ST18: variants seen among roughly 807,000 people sequenced by gnomAD.
ST18 encodes the protein ST18 C2H2C-type zinc finger transcription factor, also known as suppression of tumorigenicity 18 protein.
In ST18, 50 loss-of-function variants were observed where a neutral mutation model predicts 110.0. That is an observed-to-expected ratio of 0.45 (90% CI 0.36 to 0.58). The LOEUF (loss-of-function observed/expected upper bound fraction) is 0.58, where lower values mean the gene tolerates loss of function less well. ST18 is among the 20% of genes least tolerant of loss of function. The pLI is 0.00. For synonymous variants in ST18, 461 were observed against 452.4 expected (o/e 1.02, Z -0.24); for missense variants, 1,306 against 1,280.1 (o/e 1.02, Z -0.31).
chr8:52,336,639 T>C (rs571655381), intron 2 of ST18, among the ~76,000 whole-genome samples: 166 of 152,308 alleles, frequency 1.1e-3, no homozygotes, highest in Non-Finnish European at 2.1e-3. Flanking sequence ...ATAGGTTTCC[T>C]CTATTCCCAA....
At chr8:52,371,094 G>T (rs979589461) in intron 2 of ST18, among the ~76,000 whole-genome samples, 7 of 152,022 alleles carry the variant, frequency 4.6e-5, no homozygotes, top group Non-Finnish European at 8.8e-5. Context: ...GGTTTTACTG[G>T]TATCCTATTG....
intron 2 of ST18, among the ~76,000 whole-genome samples, chr8:52,237,931 T>A (rs62499769): frequency 0.21 from 32,084 of 151,956 alleles, 3,642 homozygotes; most frequent in African/African-American, 0.29. Flanking sequence ...TACAAAGAAG[T>A]TATACAAATG....
At chr8:52,149,615 GTACAGAA>G in intron 16 of ST18, 110 bp downstream of exon 16, 1 of 1,368,802 alleles carries the variant, frequency 7.3e-7, no homozygotes, top group Non-Finnish European at 9.7e-7. Context: ...CTAAAGCAAG[GTACAGAA>G]TTATGTATTA....
chr8:52,113,024 A>T lies in ST18; in HGVS notation c.*174T>A. 1.8e-6 allele frequency: 1 copy of T among 569,076 alleles called. No individual in the cohort carries two copies. The allele number at this position is 569,076 out of a possible 1,614,324, so 35.3% of individuals were successfully genotyped here. A position where few individuals can be genotyped will look rare whatever the true frequency, so the allele number is the denominator to read the frequency against. ...GCATTGCTTTTAATCCAAGAAGTCT[A>T]TCATAGTTTTTCTTTCCTTTTTATA... On this transcript the variant is annotated 3_prime_UTR_variant, in exon 26 of 26. Transcript: ENST00000689386.
At chr8:52,406,028 G>T (rs1036622183) in intron 2 of ST18, 2 of 152,184 alleles carry the variant, frequency 1.3e-5, no homozygotes, top group African/African-American at 4.8e-5. Context: ...CCATGAGTGG[G>T]ATTTGCAGGC....
At chr8:52,334,783 G>A (rs561871879) in intron 2 of ST18, among the ~76,000 whole-genome samples, 104 of 152,178 alleles carry the variant, frequency 6.8e-4, no homozygotes, top group African/African-American at 8.4e-4. Flanking sequence ...GGACTGGATC[G>A]AACCAGCTCA....
intron 2 of ST18, among the ~76,000 whole-genome samples, chr8:52,330,135 C>T (rs560566158): frequency 3.3e-5 from 5 of 152,238 alleles, no homozygotes; most frequent in East Asian, 3.9e-4. Context: ...AATTTTACAC[C>T]GTTTTCTTTA....
chr8:52,268,549 T>C (rs536864811), intron 2 of ST18, among the ~76,000 whole-genome samples: 2 of 152,216 alleles, frequency 1.3e-5, no homozygotes, highest in Admixed American at 6.5e-5. Context: ...TATCTATCTA[T>C]TTATCTATCT....
intron 2 of ST18, among the ~76,000 whole-genome samples, chr8:52,344,823 A>C (rs935777600): frequency 2.0e-5 from 3 of 152,252 alleles, no homozygotes; most frequent in Non-Finnish European, 4.4e-5. Flanking sequence ...TTTAATAAAT[A>C]ATAATAAAGC....
At chr8:52,240,976 A>G (rs1029342930) in intron 2 of ST18, among the ~76,000 whole-genome samples, 2 of 152,224 alleles carry the variant, frequency 1.3e-5, no homozygotes, top group Non-Finnish European at 2.9e-5. Context: ...CTCATTCAAT[A>G]TGTACAAGAA....
Position 52,195,088 on chromosome 8 carries a change from CTACTGCATAGCCATGGATTAGCTA to C in ST18, c.87-14800_87-14777del, listed in dbSNP as rs1280333691. Among the ~76,000 whole-genome samples, 12 of 152,334 alleles carry C rather than the reference CTACTGCATAGCCATGGATTAGCTA, an allele frequency of 7.9e-5. No homozygotes were observed. In the East Asian group the frequency reaches 1.5e-3, roughly 20 times the overall value. On this transcript the variant is annotated intron_variant, in intron 8 of 25. Coordinates refer to ENST00000689386, the MANE Select transcript of ST18 (RefSeq NM_001352837.2). ...CCCAGAGATTGACAGAGCAGTTCAG[CTACTGCATAGCCATGGATTAGCTA>C]TACAATATAGAAACAGGATCTGGCT... is the stretch of plus-strand genomic sequence containing the variant.
At chr8:52,283,595 G>A (rs1252775263) in intron 2 of ST18, among the ~76,000 whole-genome samples, 1 of 152,178 alleles carries the variant, frequency 6.6e-6, no homozygotes, top group Non-Finnish European at 1.5e-5. Context: ...GAGTCACCAT[G>A]TCAAATCTTG....
At chr8:52,202,885 T>C (rs569947073) in intron 8 of ST18, among the ~76,000 whole-genome samples, 8 of 152,182 alleles carry the variant, frequency 5.3e-5, no homozygotes, top group African/African-American at 1.7e-4. Flanking sequence ...GATTTTCTCC[T>C]ACAAGGAGAA....
intron 2 of ST18, among the ~76,000 whole-genome samples, chr8:52,293,905 C>A (rs2139395330): frequency 6.6e-6 from 1 of 152,276 alleles, no homozygotes; most frequent in South Asian, 2.1e-4. Flanking sequence ...GAAGCCTCAT[C>A]TCAAAGTGGA....
intron 2 of ST18, among the ~76,000 whole-genome samples, chr8:52,376,053 T>C (rs2140729627): frequency 6.6e-6 from 1 of 152,242 alleles, no homozygotes; most frequent in South Asian, 2.1e-4. Context: ...ATGACCCAGG[T>C]TTTGCCACCA....
In ST18 at chr8:52,396,442, G is replaced by A. The variant is rs141377818; in HGVS notation, c.-465+12886C>T. On this transcript the variant is annotated intron_variant, in intron 2 of 25. Transcript: ENST00000689386. ...TTTATCCATGTGGTGGCAAATGGCAGGATCCTTTGTAAGAGTGAATAATAT... is the reference window on the plus strand; with the variant it reads ...TTTATCCATGTGGTGGCAAATGGCAAGATCCTTTGTAAGAGTGAATAATAT... Among the ~76,000 whole-genome samples the A allele has an allele frequency of 1.2e-3, 179 of 152,220 alleles. 1 individual carries two copies. The highest frequency in any genetic ancestry group is 3.9e-3 in the African/African-American group (163 of 41,536).
chr8:52,239,513 G>T (rs1400584657), intron 2 of ST18, among the ~76,000 whole-genome samples: 2 of 151,994 alleles, frequency 1.3e-5, no homozygotes, highest in East Asian at 3.9e-4. Context: ...CAGTCAATTG[G>T]GTATGAGAAG....
At chr8:52,357,328 C>T (rs528352766) in intron 2 of ST18, among the ~76,000 whole-genome samples, 1 of 151,970 alleles carries the variant, frequency 6.6e-6, no homozygotes, top group African/African-American at 2.4e-5. Flanking sequence ...TCGTTTCTTA[C>T]CAGTGACTAC....
At chr8:52,188,608 G>C (rs2073292482) in intron 8 of ST18, among the ~76,000 whole-genome samples, 1 of 152,198 alleles carries the variant, frequency 6.6e-6, no homozygotes, top group Non-Finnish European at 1.5e-5. Context: ...TGTATTTTAG[G>C]AGGACTATTC....
Sources: allele counts gnomAD v4.1 joint callset (sites outside exome capture counted in the v4.1 genomes callset), GRCh38; gene constraint gnomAD v4.1.1; transcripts MANE v1.5; gene names NCBI Gene and HGNC (gene_info 2026-07-23, HGNC 2026-07-21).